USP21: variants seen among roughly 807,000 people sequenced by gnomAD.
USP21 encodes the protein ubiquitin specific peptidase 21, also known as ubiquitin carboxyl-terminal hydrolase 21.
Under a neutral mutation model 70.8 loss-of-function variants are expected in USP21, and 37 were observed. The observed-to-expected ratio is 0.52, with a 90% CI of 0.40 to 0.69. USP21 has a LOEUF of 0.69. USP21 is among the 30% of genes least tolerant of loss of function. USP21 has a pLI of 0.00. For missense variants in USP21, 584 were observed against 740.8 expected (o/e 0.79, Z 2.46); for synonymous variants, 263 against 283.1 (o/e 0.93, Z 0.71).
Position 161,165,389 on chromosome 1 carries a change from C to G in USP21, c.1640C>G (p.Ser547Cys). Residue 547 changes from serine to cysteine, a missense_variant, in exon 14 of 14, where the codon TCC (serine) becomes TGC (cysteine). Physicochemically the swap from Ser to Cys is moderately radical, Grantham distance 112. Coordinates refer to ENST00000368002, the MANE Select transcript of USP21 (RefSeq NM_001014443.3). ...CCTGTCAGTGAAAACCAGGTGGCAT[C>G]CAGCGAGGGCTACGTGCTGTTCTAC... is the stretch of plus-strand genomic sequence containing the variant. ...VSPVSENQVA[S>C]SEGYVLFYQL... 6.2e-7 allele frequency: 1 copy of G among 1,614,124 alleles called. No individual in the cohort carries two copies. Among genetic ancestry groups the G allele is most frequent in the Non-Finnish European group, 8.5e-7 (1 of 1,180,002 alleles).
rs771202948 is a variant in USP21, at chr1:161,162,021, G to A, written c.601-17G>A. 2.4e-5 allele frequency: 38 copies of A among 1,613,970 alleles called. No homozygotes were observed. Among genetic ancestry groups the A allele is most frequent in the Non-Finnish European group, 3.1e-5 (36 of 1,179,974 alleles). ...TAGGATATATAGGAACTTGCCGATT[G>A]TACTCTGACCTTCCAGGCTCATCAC... On this transcript the variant is annotated splice_polypyrimidine_tract_variant and intron_variant, in intron 3 of 13. Coordinates refer to ENST00000368002, the MANE Select transcript of USP21 (RefSeq NM_001014443.3). This position sits in a 1 kb window ranked among gnomAD's most constrained non-coding sequence, Gnocchi z 4.1.
Position 161,162,015 on chromosome 1 carries a change from C to A in USP21, c.601-23C>A. On this transcript the variant is annotated intron_variant, in intron 3 of 13. Coordinates refer to ENST00000368002, the MANE Select transcript of USP21 (RefSeq NM_001014443.3). This position sits in a 1 kb window ranked among gnomAD's most constrained non-coding sequence, Gnocchi z 4.1. ...GCCAGGTAGGATATATAGGAACTTG[C>A]CGATTGTACTCTGACCTTCCAGGCT... The A allele has an allele frequency of 6.2e-7, 1 of 1,613,836 alleles. No individual in the cohort carries two copies. Among genetic ancestry groups the A allele is most frequent in the Non-Finnish European group, 8.5e-7 (1 of 1,179,734 alleles).
chr1:161,164,674 A>G lies in USP21; in HGVS notation c.1384+62A>G. On this transcript the variant is annotated intron_variant, in intron 11 of 13. Transcript: ENST00000368002. This position sits in a 1 kb window ranked among gnomAD's most constrained non-coding sequence, Gnocchi z 4.2. Reference sequence around the variant, plus strand: ...ACCTCCCATACATTCTCTTTCCTCCATGTTTCCAGAGAATTGAATTTTCCT... The same window carrying G: ...ACCTCCCATACATTCTCTTTCCTCCGTGTTTCCAGAGAATTGAATTTTCCT... The G allele has an allele frequency of 1.2e-6, 2 of 1,609,116 alleles. No individual in the cohort carries two copies. Among genetic ancestry groups the G allele is most frequent in the Non-Finnish European group, 8.5e-7 (1 of 1,176,856 alleles).
Position 161,162,149 on chromosome 1 carries a change from TG to T in USP21, c.660+57del. ...CTCTAAAAGGAATGTGAAATGGTGC[TG>T]GGGGTGGGGAAAACCCACGAGCTTG... is the stretch of plus-strand genomic sequence containing the variant. On this transcript the variant is annotated intron_variant, in intron 4 of 13. Coordinates refer to ENST00000368002, the MANE Select transcript of USP21 (RefSeq NM_001014443.3). This position sits in a 1 kb window ranked among gnomAD's most constrained non-coding sequence, Gnocchi z 4.1. 1 of 1,613,124 alleles carries T rather than the reference TG, an allele frequency of 6.2e-7. No individual in the cohort carries two copies.
chr1:161,161,917 G>A lies in USP21; in HGVS notation c.601-121G>A. 5 of 948,104 alleles carry A rather than the reference G, an allele frequency of 5.3e-6. No homozygotes were observed. In the South Asian group the frequency reaches 5.4e-5, roughly 10 times the overall value. 58.7% of individuals were successfully genotyped at this position (948,104 alleles called of 1,614,324 possible). On this transcript the variant is annotated intron_variant, in intron 3 of 13. Coordinates refer to ENST00000368002, the MANE Select transcript of USP21 (RefSeq NM_001014443.3). The surrounding 1 kb of genome is among the most constrained non-coding windows in gnomAD (Gnocchi z 4.2). Reference sequence around the variant, plus strand: ...ACTAGAATACCTAGTGAGGGGAATAGGGTAGAGTTTGGGGATGAAACATGC... The same window carrying A: ...ACTAGAATACCTAGTGAGGGGAATAAGGTAGAGTTTGGGGATGAAACATGC...
Position 161,161,146 on chromosome 1 carries a change from T to C in USP21, c.506T>C (p.Leu169Pro). The change falls in exon 3 of 14, where the codon CTG becomes CCG. Residue 169 changes from leucine (L) to proline (P), a missense_variant. This residue lies in a region of USP21 where 284 missense variants were observed against 281.0 expected (regional missense o/e 1.01). Transcript: ENST00000368002. This position sits in a 1 kb window ranked among gnomAD's most constrained non-coding sequence, Gnocchi z 4.2. ...RLGGFPGPPT[L>P]FSIRTEPPAS... Reference sequence around the variant, plus strand: ...GGGGGCTTTCCTGGACCCCCTACCCTGTTCAGCATACGGACAGAGCCCCCT... The same window carrying C: ...GGGGGCTTTCCTGGACCCCCTACCCCGTTCAGCATACGGACAGAGCCCCCT... 6.2e-7 allele frequency: 1 copy of C among 1,614,080 alleles called. No homozygotes were observed. Among genetic ancestry groups the C allele is most frequent in the Non-Finnish European group, 8.5e-7 (1 of 1,179,946 alleles).
At position 161,163,092 on chromosome 1, in the gene USP21, T is replaced by C; in HGVS notation, c.1049+18T>C. The C allele has an allele frequency of 6.4e-7, 1 of 1,571,326 alleles. No individual in the cohort carries two copies. ...GAGTTAAGGTAAGGGTCGTTCCCTCTACCTCCTTTCCCCGTAGTTTATCAG... is the reference window on the plus strand; with the variant it reads ...GAGTTAAGGTAAGGGTCGTTCCCTCCACCTCCTTTCCCCGTAGTTTATCAG... On this transcript the variant is annotated intron_variant, in intron 7 of 13. Coordinates refer to ENST00000368002, the MANE Select transcript of USP21 (RefSeq NM_001014443.3).
In USP21 at chr1:161,163,886, G is replaced by A; in HGVS notation, c.1123G>A (p.Val375Met). The A allele has an allele frequency of 6.2e-7, 1 of 1,614,070 alleles. No individual in the cohort carries two copies. The highest frequency in any genetic ancestry group is 8.5e-7 in the Non-Finnish European group (1 of 1,179,966). Reference protein sequence around the residue: ...REDSKIVDLFVGQLKSCLKCQ... With the variant: ...REDSKIVDLFMGQLKSCLKCQ... ...CCTGTGCTTCTGTCTAGACCTGTTT[G>A]TGGGCCAGTTGAAAAGTTGTCTCAA... Residue 375 changes from valine (V) to methionine (M), a missense_variant, in exon 9 of 14, where the codon GTG becomes ATG. Physicochemically the swap from Val to Met is conservative, Grantham distance 21. Transcript: ENST00000368002.
chr1:161,161,240 G>A lies in USP21; in HGVS notation c.600G>A (p.Met200Ile). 6.3e-7 allele frequency: 1 copy of A among 1,586,834 alleles called. No individual in the cohort carries two copies. The highest frequency in any genetic ancestry group is 8.6e-7 in the Non-Finnish European group (1 of 1,163,754). ...AGCCTTTCTACTCTGATGACAAGAT[G>A]GTGAGGACTTGCCACACACATGGCC... ...SSEPFYSDDK[M>I]AHHTLLLGSG... Residue 200 changes from methionine to isoleucine, a missense_variant and splice_region_variant, in exon 3 of 14, where the codon ATG (methionine) becomes ATA (isoleucine). Around this residue, in one of 4 missense-constraint regions of USP21, gnomAD observed 284 missense variants for 281.0 expected, o/e 1.01. Transcript: ENST00000368002. The surrounding 1 kb of genome is among the most constrained non-coding windows in gnomAD (Gnocchi z 4.2).
Position 161,164,725 on chromosome 1 carries a change from C to T in USP21, c.1385-110C>T. The T allele has an allele frequency of 6.2e-7, 1 of 1,600,716 alleles. No homozygotes were observed. The highest frequency in any genetic ancestry group is 8.5e-7 in the Non-Finnish European group (1 of 1,171,614). Reference sequence around the variant, plus strand: ...TAGGAAAAGTCTGCCACCCACTTTTCCACAAGATGCTCCCAGTGTGTCGGG... The same window carrying T: ...TAGGAAAAGTCTGCCACCCACTTTTTCACAAGATGCTCCCAGTGTGTCGGG... On this transcript the variant is annotated intron_variant, in intron 11 of 13. Transcript: ENST00000368002. This position sits in a 1 kb window ranked among gnomAD's most constrained non-coding sequence, Gnocchi z 4.2.
chr1:161,161,839 G>A lies in USP21; in HGVS notation c.601-199G>A, dbSNP rs572517845. ...AGGTGGGACAGCCATGGCTGAGTCC[G>A]TGGTACATTCAGCTGTGATGGGCTT... On this transcript the variant is annotated intron_variant, in intron 3 of 13. Transcript: ENST00000368002. The surrounding 1 kb of genome is among the most constrained non-coding windows in gnomAD (Gnocchi z 4.2). 6.5e-5 allele frequency: 40 copies of A among 616,760 alleles called. No homozygotes were observed. In the Middle Eastern group the frequency reaches 1.2e-3, roughly 19 times the overall value. The allele number at this position is 616,760 out of a possible 1,614,324, so 38.2% of individuals were successfully genotyped here. A position where few individuals can be genotyped will look rare whatever the true frequency, so the allele number is the denominator to read the frequency against.
rs1476420184 is a variant in USP21 at position 161,165,581 on chromosome 1, T to G, written c.*134T>G. 1 of 619,144 alleles carries G rather than the reference T, an allele frequency of 1.6e-6. No homozygotes were observed. Among genetic ancestry groups the G allele is most frequent in the Non-Finnish European group, 2.8e-6 (1 of 357,094 alleles). The allele number at this position is 619,144 out of a possible 1,614,324, so 38.4% of individuals were successfully genotyped here. ...GAGGGGGTGGTTGTAGCTCCATTAT[T>G]TTTTTTATTAAAAAATACCCTTCCA... On this transcript the variant is annotated 3_prime_UTR_variant, in exon 14 of 14. Transcript: ENST00000368002.
rs1571277686 is a variant in USP21, at chr1:161,160,865, C to T, written c.225C>T (p.Gly75=). ...KLELGRGRTS[G]PRPRGPLRAD... ...AGCTGGGACGGGGACGGACCTCAGG[C>T]CCTCGTCCCAGAGGCCCCCTTCGAG... Residue 75 remains glycine, a synonymous_variant, in exon 3 of 14, where the codon GGC becomes GGT. Transcript: ENST00000368002. The T allele has an allele frequency of 6.2e-7, 1 of 1,614,230 alleles. No individual in the cohort carries two copies. Among genetic ancestry groups the T allele is most frequent in the Non-Finnish European group, 8.5e-7 (1 of 1,180,042 alleles).
chr1:161,162,767 T>C lies in USP21; in HGVS notation c.893+41T>C. ...GCTATGGGATTTCTCTCTGGCCATG[T>C]CTGGGGGTAGGGCCAAGCAAGGGCC... On this transcript the variant is annotated intron_variant, in intron 6 of 13. Transcript: ENST00000368002. The surrounding 1 kb of genome is among the most constrained non-coding windows in gnomAD (Gnocchi z 4.1). 1.3e-6 allele frequency: 2 copies of C among 1,585,474 alleles called. No homozygotes were observed. The highest frequency in any genetic ancestry group is 1.7e-6 in the Non-Finnish European group (2 of 1,153,886).
Position 161,164,343 on chromosome 1 carries a change from GAAT to G in USP21, c.1305+98_1305+100del, listed in dbSNP as rs1571294798. On this transcript the variant is annotated intron_variant, in intron 10 of 13. Transcript: ENST00000368002. This position sits in a 1 kb window ranked among gnomAD's most constrained non-coding sequence, Gnocchi z 4.2. ...GGATTGCATGATGTCTTCATATGGGGAATAATATTTATGTATCTGGGTTTGTGT... is the reference window on the plus strand; with the variant it reads ...GGATTGCATGATGTCTTCATATGGGGAATATTTATGTATCTGGGTTTGTGT... 2.9e-6 allele frequency: 4 copies of G among 1,390,836 alleles called. No homozygotes were observed. The highest frequency in any genetic ancestry group is 4.6e-5 in the East Asian group (2 of 43,662). 86.2% of individuals were successfully genotyped at this position (1,390,836 alleles called of 1,614,324 possible). A position where few individuals can be genotyped will look rare whatever the true frequency, so the allele number is the denominator to read the frequency against.
chr1:161,162,061 C>G lies in USP21; in HGVS notation c.624C>G (p.Gly208=). The G allele has an allele frequency of 6.2e-7, 1 of 1,614,152 alleles. No homozygotes were observed. The highest frequency in any genetic ancestry group is 2.2e-5 in the East Asian group (1 of 44,886). The stretch of plus-strand genomic sequence containing the variant: ...AGGCTCATCACACACTCCTTCTGGG[C>G]TCTGGTCATGTTGGCCTTCGAAACC... The part of the protein sequence containing the change: ...DKMAHHTLLL[G]SGHVGLRNLG... Residue 208 remains glycine (G), a synonymous_variant, in exon 4 of 14, where the codon GGC becomes GGG. Coordinates refer to ENST00000368002, the MANE Select transcript of USP21 (RefSeq NM_001014443.3). This position sits in a 1 kb window ranked among gnomAD's most constrained non-coding sequence, Gnocchi z 4.1.
rs543394546 is a variant in USP21, at chr1:161,164,581, A to G, written c.1353A>G (p.Thr451=). Residue 451 remains threonine (T), a synonymous_variant, in exon 11 of 14, where the codon ACA becomes ACG. Coordinates refer to ENST00000368002, the MANE Select transcript of USP21 (RefSeq NM_001014443.3). This position sits in a 1 kb window ranked among gnomAD's most constrained non-coding sequence, Gnocchi z 4.2. ...AAACTCGAAGTACCAAAAAGTTGAC[A>G]GTACAAAGATTCCCTCGAATCCTCG... ...RQKTRSTKKL[T]VQRFPRILVL... The G allele has an allele frequency of 1.3e-4, 210 of 1,614,236 alleles. No homozygotes were observed. Among genetic ancestry groups the G allele is most frequent in the Middle Eastern group, 9.9e-4 (6 of 6,060 alleles).
chr1:161,163,759 G>A, intron 8 of USP21, 119 bp from the exon 9 acceptor site: 1 of 1,325,560 alleles, frequency 7.5e-7, no homozygotes, highest in Admixed American at 1.7e-5. Flanking sequence ...AGTTGATTAG[G>A]AGTGTTGGTA....
chr1:161,164,596 T>G lies in USP21; in HGVS notation c.1368T>G (p.Pro456=). ...STKKLTVQRF[P]RILVLHLNRF... The stretch of plus-strand genomic sequence containing the variant: ...AAAAGTTGACAGTACAAAGATTCCC[T>G]CGAATCCTCGTGCTCCATATCCTAA... The change falls in exon 11 of 14, where the codon CCT becomes CCG. Residue 456 remains proline, a synonymous_variant. Transcript: ENST00000368002. This position sits in a 1 kb window ranked among gnomAD's most constrained non-coding sequence, Gnocchi z 4.2. 1 of 1,614,200 alleles carries G rather than the reference T, an allele frequency of 6.2e-7. No homozygotes were observed. Among genetic ancestry groups the G allele is most frequent in the Non-Finnish European group, 8.5e-7 (1 of 1,180,032 alleles).
Sources: gnomAD v4.1 joint callset for allele counts on GRCh38, gnomAD v4.1.1 for gene constraint, gnomAD v4.1.1 regional missense constraint, Gnocchi (gnomAD v3.1) non-coding constraint, MANE v1.5 for transcripts, NCBI Gene and HGNC (gene_info 2026-07-23, HGNC 2026-07-21) for gene names.